Variants in POLD2 observed in about 807,000 individuals in gnomAD.
POLD2 encodes DNA polymerase delta 2, accessory subunit.
In POLD2, 31 loss-of-function variants were observed where a neutral mutation model predicts 48.8. The ratio of observed to expected loss-of-function variants is 0.64; its 90% CI spans 0.48 to 0.86. POLD2 has a LOEUF of 0.86. Among genes scored for constraint, POLD2 ranks in the 40% least tolerant of loss-of-function variants. The pLI is 0.00. For missense variants in POLD2, 455 were observed against 610.1 expected, an observed-to-expected ratio of 0.75 and a Z score of 2.68; for synonymous variants, 233 against 256.3, an observed-to-expected ratio of 0.91 and a Z score of 0.87.
upstream of POLD2, chr7:44,123,739 G>C (rs1365801344): frequency 7.5e-7 from 1 of 1,330,552 alleles, no homozygotes; most frequent in Non-Finnish European, 9.6e-7. Context: ...ACGCGGGGCG[G>C]GGGCTCGCAG....
chr7:44,116,730 G>A lies in POLD2; in HGVS notation c.780+87C>T. On this transcript the variant is annotated intron_variant, in intron 6 of 10. Transcript: ENST00000610533. This position sits in a 1 kb window ranked among gnomAD's most constrained non-coding sequence, Gnocchi z 6.1. Reference sequence around the variant, plus strand: ...CCCACCGACCTGCGAGACCTCACAGGGTACCCTACTCGCCCTGGGGAAGGA... The same window carrying A: ...CCCACCGACCTGCGAGACCTCACAGAGTACCCTACTCGCCCTGGGGAAGGA... 6.9e-7 allele frequency: 1 copy of A among 1,446,350 alleles called. No individual in the cohort carries two copies. 89.6% of individuals were successfully genotyped at this position (1,446,350 alleles called of 1,614,324 possible). A position where few individuals can be genotyped will look rare whatever the true frequency, so the allele number is the denominator to read the frequency against.
chr7:44,115,687 C>T, intron 9 of POLD2, 79 bp downstream of exon 9: 28 of 1,515,134 alleles, frequency 1.8e-5, no homozygotes, highest in Non-Finnish European at 2.5e-5. Flanking sequence ...TGCAAACCCA[C>T]AGGGGGACCC....
rs1316068420 is a variant in POLD2 at position 44,123,356 on chromosome 7, T to G, written c.-57+155A>C. ...ACTCGGGATGGGGCCGAGAGCGCCC[T>G]GGGGGCTGTCCCAGTCACGGCGGGT... is the stretch of plus-strand genomic sequence containing the variant. On this transcript the variant is annotated intron_variant, in intron 1 of 10. Coordinates refer to ENST00000610533, the MANE Select transcript of POLD2 (RefSeq NM_006230.4). 2.1e-6 allele frequency: 3 copies of G among 1,397,034 alleles called. No homozygotes were observed. The East Asian group carries it at 9.1e-5, about 42-fold the overall frequency. The allele number at this position is 1,397,034 out of a possible 1,614,324, so 86.5% of individuals were successfully genotyped here.
chr7:44,119,363 C>G (rs938966686), intron 2 of POLD2, among the ~76,000 whole-genome samples: 3 of 152,158 alleles, frequency 2.0e-5, no homozygotes, highest in African/African-American at 7.2e-5. Flanking sequence ...GACTCCAGCA[C>G]AGCCTGAGCC....
chr7:44,118,201 G>T, intron 2 of POLD2, 137 bp from the exon 3 acceptor site: 1 of 959,836 alleles, frequency 1.0e-6, no homozygotes, highest in Non-Finnish European at 1.5e-6. Flanking sequence ...CAAGTACAAG[G>T]ACCCCCTGGA....
rs113828704 is a variant in POLD2, at chr7:44,123,545, G to C, written c.-91C>G. ...CGCCGCATCCCGCCAATCCCCGCGC[G>C]CCTGCCCCGCCCATCGCCGCAACTC... On this transcript the variant is annotated 5_prime_UTR_variant, in exon 1 of 11. Transcript: ENST00000610533. 2.0e-6 allele frequency: 3 copies of C among 1,485,502 alleles called. No homozygotes were observed. The highest frequency in any genetic ancestry group is 2.7e-6 in the Non-Finnish European group (3 of 1,125,758). The allele number at this position is 1,485,502 out of a possible 1,614,324, so 92.0% of individuals were successfully genotyped here. A position where few individuals can be genotyped will look rare whatever the true frequency, so the allele number is the denominator to read the frequency against.
rs762132464 is a variant in POLD2 at position 44,116,940 on chromosome 7, C to T, written c.657G>A (p.Val219=). 4.3e-6 allele frequency: 7 copies of T among 1,613,862 alleles called. No homozygotes were observed. Among genetic ancestry groups the T allele is most frequent in the Non-Finnish European group, 5.1e-6 (6 of 1,180,008 alleles). The part of the protein sequence containing the change: ...GESLLGTQLL[V]DVVTGQLGDE... ...CCCCAAGCTGCCCCGTCACCACATC[C>T]ACCAGCAGCTGGGTGCCCAGCAGGC... is the stretch of plus-strand genomic sequence containing the variant. The change falls in exon 6 of 11, where the codon GTG becomes GTA. Residue 219 remains valine (V), a synonymous_variant. Transcript: ENST00000610533. The surrounding 1 kb of genome is among the most constrained non-coding windows in gnomAD (Gnocchi z 6.1).
upstream of POLD2, chr7:44,123,809 T>A (rs1409046356): frequency 2.1e-6 from 2 of 956,228 alleles, no homozygotes; most frequent in Non-Finnish European, 2.8e-6. Flanking sequence ...TGACGGGGGG[T>A]GTCGGCCTCC....
In POLD2 at chr7:44,114,744, G is replaced by A. The variant is rs56204827; in HGVS notation, c.*41C>T. The A allele has an allele frequency of 5.4e-4, 854 of 1,569,210 alleles. 12 individuals carry two copies. The East Asian group carries it at 0.014, about 25-fold the overall frequency. ...ATGCCGACACTGCAGGGAATGAACA[G>A]CCTCCATCTGGGCCTCTCTGGTCAA... is the stretch of plus-strand genomic sequence containing the variant. On this transcript the variant is annotated 3_prime_UTR_variant, in exon 11 of 11. Coordinates refer to ENST00000610533, the MANE Select transcript of POLD2 (RefSeq NM_006230.4).
Position 44,116,114 on chromosome 7 carries a change from C to T in POLD2, c.1019+1G>A. 1.2e-6 allele frequency: 2 copies of T among 1,613,460 alleles called. No homozygotes were observed. Among genetic ancestry groups the T allele is most frequent in the Non-Finnish European group, 1.7e-6 (2 of 1,179,992 alleles). ...GACTGAAGTGTGGCTGTGCCAGCTA[C>T]CTGACTCCATCAATGGTGGCCTGGT... On this transcript the variant is annotated splice_donor_variant, in intron 8 of 10. Coordinates refer to ENST00000610533, the MANE Select transcript of POLD2 (RefSeq NM_006230.4). LOFTEE classifies it high-confidence loss of function. This position sits in a 1 kb window ranked among gnomAD's most constrained non-coding sequence, Gnocchi z 6.1.
intron 1 of POLD2, chr7:44,122,529 A>T: frequency 1.1e-6 from 1 of 884,538 alleles, no homozygotes; most frequent in Non-Finnish European, 1.4e-6. Context: ...GCCTATTATT[A>T]AATAATAATA....
Position 44,117,996 on chromosome 7 carries a change from G to C in POLD2, c.289C>G (p.Leu97Val). ...PEEKCCVVGT[L>V]FKAMPLQPSI... ...GGCTGCAGCGGCATGGCCTTGAACA[G>C]AGTGCCCACCACACAGCACTTCTCC... The change falls in exon 3 of 11, where the codon CTG becomes GTG. Residue 97 changes from leucine (L) to valine (V), a missense_variant. Physicochemically the swap from Leu to Val is conservative, Grantham distance 32 (BLOSUM62 1). Coordinates refer to ENST00000610533, the MANE Select transcript of POLD2 (RefSeq NM_006230.4). The C allele has an allele frequency of 6.2e-7, 1 of 1,614,202 alleles. No homozygotes were observed. Among genetic ancestry groups the C allele is most frequent in the Non-Finnish European group, 8.5e-7 (1 of 1,180,016 alleles).
chr7:44,124,025 CG>C (rs2096252475), upstream of POLD2, among the ~76,000 whole-genome samples: 2 of 152,310 alleles, frequency 1.3e-5, no homozygotes, highest in South Asian at 4.1e-4. Flanking sequence ...CTAACTTGGC[CG>C]GGGAGAAGTA....
intron 1 of POLD2, 194 bp downstream of exon 1, chr7:44,123,317 A>G (rs771053613): frequency 1.2e-4 from 167 of 1,365,328 alleles, no homozygotes; most frequent in Non-Finnish European, 1.5e-4. Flanking sequence ...TGGCGGCAGC[A>G]GCCAGGCCGC....
rs761628656 is a variant in POLD2, at chr7:44,122,045, A to G, written c.9T>C (p.Ser3=). Reference sequence around the variant, plus strand: ...TGTGGGCCCTCTGGGCAGCCTGCTCAGAAAACATGGCCACACTCCTGACTT... The same window carrying G: ...TGTGGGCCCTCTGGGCAGCCTGCTCGGAAAACATGGCCACACTCCTGACTT... MF[S]EQAAQRAHTL... Residue 3 remains serine (S), a synonymous_variant, in exon 2 of 11, where the codon TCT becomes TCC. Transcript: ENST00000610533. The G allele has an allele frequency of 6.2e-7, 1 of 1,612,846 alleles. No homozygotes were observed. Among genetic ancestry groups the G allele is most frequent in the Non-Finnish European group, 8.5e-7 (1 of 1,180,010 alleles).
In POLD2 at chr7:44,116,258, C is replaced by T. The variant is rs776741455; in HGVS notation, c.876G>A (p.Val292=). Reference sequence around the variant, plus strand: ...GATCAAACTCGCCTGGCATCACGTCCACGGGCACTGAGGCCTGGAAGGCAC... The same window carrying T: ...GATCAAACTCGCCTGGCATCACGTCTACGGGCACTGAGGCCTGGAAGGCAC... ...ILLQLSASVP[V]DVMPGEFDPT... The change falls in exon 8 of 11, where the codon GTG becomes GTA. Residue 292 remains valine, a synonymous_variant. Coordinates refer to ENST00000610533, the MANE Select transcript of POLD2 (RefSeq NM_006230.4). This position sits in a 1 kb window ranked among gnomAD's most constrained non-coding sequence, Gnocchi z 6.1. The T allele has an allele frequency of 5.0e-6, 8 of 1,610,368 alleles. No homozygotes were observed. The highest frequency in any genetic ancestry group is 1.3e-5 in the African/African-American group (1 of 75,044).
chr7:44,115,056 A>C (rs1462191065), intron 10 of POLD2, 111 bp from the exon 11 acceptor site: 2 of 991,650 alleles, frequency 2.0e-6, no homozygotes, highest in Non-Finnish European at 3.0e-6. Context: ...GGGCAGTGAC[A>C]ATAGGAGACC....
At position 44,116,948 on chromosome 7, in the gene POLD2, G is replaced by A; in HGVS notation, c.649C>T (p.Leu217=). ...GGGESLLGTQ[L]LVDVVTGQLG... The stretch of plus-strand genomic sequence containing the variant: ...TGCCCCGTCACCACATCCACCAGCA[G>A]CTGGGTGCCCAGCAGGCTCTCGCCT... Residue 217 remains leucine (L), a synonymous_variant, in exon 6 of 11, where the codon CTG becomes TTG. Coordinates refer to ENST00000610533, the MANE Select transcript of POLD2 (RefSeq NM_006230.4). The surrounding 1 kb of genome is among the most constrained non-coding windows in gnomAD (Gnocchi z 6.1). The A allele has an allele frequency of 6.2e-7, 1 of 1,613,836 alleles. No individual in the cohort carries two copies. Among genetic ancestry groups the A allele is most frequent in the Non-Finnish European group, 8.5e-7 (1 of 1,179,994 alleles).
intron 1 of POLD2, chr7:44,123,295 G>C: frequency 7.3e-7 from 1 of 1,362,886 alleles, no homozygotes; most frequent in Non-Finnish European, 9.4e-7. Context: ...CTTTTGGCTC[G>C]AACGTGCTTG....
Sources: gnomAD v4.1 joint callset for allele counts (sites outside exome capture counted in the v4.1 genomes callset) on GRCh38, gnomAD v4.1.1 for gene constraint, Gnocchi (gnomAD v3.1) non-coding constraint, MANE v1.5 for transcripts, NCBI Gene and HGNC (gene_info 2026-07-23, HGNC 2026-07-21) for gene names.